Variants in TGFA observed in about 807,000 individuals in gnomAD.
The protein encoded by TGFA is transforming growth factor alpha.
Under a neutral mutation model 21.7 loss-of-function variants are expected in TGFA, and 12 were observed. The ratio of observed to expected loss-of-function variants is 0.55; its 90% confidence interval spans 0.35 to 0.90. TGFA has a LOEUF of 0.90. Among genes scored for constraint, TGFA ranks in the 40% least tolerant of loss-of-function variants. The pLI, the probability that TGFA is intolerant of heterozygous loss-of-function variation, is 0.01. For missense variants in TGFA, 178 were observed against 210.8 expected (o/e 0.84, Z 0.96); for synonymous variants, 79 against 88.1 (o/e 0.90, Z 0.58).
intron 1 of TGFA, among the ~76,000 whole-genome samples, chr2:70,535,134 A>T (rs1386923564): frequency 6.6e-6 from 1 of 152,198 alleles, no homozygotes; most frequent in African/African-American, 2.4e-5. Context: ...TACTGGAAGA[A>T]CTATGAGCCA....
chr2:70,477,732 TGGAGGAGGGA>T (rs1188146632), intron 2 of TGFA, among the ~76,000 whole-genome samples: 4 of 151,960 alleles, frequency 2.6e-5, no homozygotes, highest in Non-Finnish European at 5.9e-5. Context: ...CTGCAGGACA[TGGAGGAGGGA>T]GGAGCCACAG....
At position 70,456,505 on chromosome 2, in the gene TGFA, C is replaced by A. The variant is rs377338687; in HGVS notation, c.216-17G>T. Reference sequence around the variant, plus strand: ...GAATGGCAGCTGGGGAAGAAAGGAACGTCAGTGCACTCTCCTGACAAAAGG... The same window carrying A: ...GAATGGCAGCTGGGGAAGAAAGGAAAGTCAGTGCACTCTCCTGACAAAAGG... On this transcript the variant is annotated splice_polypyrimidine_tract_variant and intron_variant, in intron 3 of 5. Transcript: ENST00000295400. 2 of 1,590,770 alleles carry A rather than the reference C, an allele frequency of 1.3e-6. No homozygotes were observed.
At chr2:70,452,946 A>G (rs1553489885) in intron 5 of TGFA, among the ~76,000 whole-genome samples, 1 of 152,164 alleles carries the variant, frequency 6.6e-6, no homozygotes, top group African/African-American at 2.4e-5. Context: ...CCGTCTCAAA[A>G]AACAAAACAA....
chr2:70,485,016 C>T (rs983144220), intron 2 of TGFA, among the ~76,000 whole-genome samples: 4 of 152,194 alleles, frequency 2.6e-5, no homozygotes, highest in African/African-American at 7.2e-5. Flanking sequence ...ACCATTGATT[C>T]GCTTCAGTTT....
intron 1 of TGFA, among the ~76,000 whole-genome samples, chr2:70,544,040 T>A (rs1213022861): frequency 2.0e-5 from 3 of 152,138 alleles, no homozygotes; most frequent in African/African-American, 7.2e-5. Flanking sequence ...CCACACATTA[T>A]TGCCTCCTGC....
At chr2:70,542,975 C>T (rs534262266) in intron 1 of TGFA, among the ~76,000 whole-genome samples, 37 of 151,332 alleles carry the variant, frequency 2.4e-4, no homozygotes, top group Middle Eastern at 3.4e-3. Context: ...TAGTGGCGGG[C>T]GCCTGTAATC....
At chr2:70,475,087 T>C (rs1299395674) in intron 2 of TGFA, among the ~76,000 whole-genome samples, 3 of 152,060 alleles carry the variant, frequency 2.0e-5, no homozygotes. Context: ...GTTTGCATCA[T>C]TTTGGTACCT....
At chr2:70,454,918 C>G (rs567531981) in intron 4 of TGFA, among the ~76,000 whole-genome samples, 1 of 152,190 alleles carries the variant, frequency 6.6e-6, no homozygotes, top group Non-Finnish European at 1.5e-5. Context: ...AGTCTTGTTC[C>G]TAAGTCCCTG....
intron 1 of TGFA, among the ~76,000 whole-genome samples, chr2:70,534,079 T>C (rs1672901478): frequency 6.6e-6 from 1 of 152,174 alleles, no homozygotes; most frequent in African/African-American, 2.4e-5. Flanking sequence ...TACTGAAGTG[T>C]CCACTATTCG....
At chr2:70,462,118 T>G (rs2103686918) in intron 3 of TGFA, among the ~76,000 whole-genome samples, 1 of 152,322 alleles carries the variant, frequency 6.6e-6, no homozygotes, top group Non-Finnish European at 1.5e-5. Context: ...TCAGGGTATG[T>G]CAGGCTTATT....
chr2:70,508,574 A>T (rs1672002232), intron 2 of TGFA, among the ~76,000 whole-genome samples: 1 of 152,224 alleles, frequency 6.6e-6, no homozygotes, highest in Non-Finnish European at 1.5e-5. Flanking sequence ...AAATTATAGA[A>T]GAAGTGATAT....
At chr2:70,512,055 A>G (rs1225330933) in intron 2 of TGFA, among the ~76,000 whole-genome samples, 1 of 152,092 alleles carries the variant, frequency 6.6e-6, no homozygotes, top group African/African-American at 2.4e-5. Flanking sequence ...GGGAAGGCCT[A>G]CCAGGGCCTG....
intron 2 of TGFA, among the ~76,000 whole-genome samples, chr2:70,475,651 G>A (rs1553494148): frequency 6.6e-6 from 1 of 152,078 alleles, no homozygotes; most frequent in African/African-American, 2.4e-5. Context: ...GGGCATTTTA[G>A]AATTAAAAGG....
chr2:70,476,125 C>T (rs530310733), intron 2 of TGFA, among the ~76,000 whole-genome samples: 2 of 135,444 alleles, frequency 1.5e-5, no homozygotes, highest in South Asian at 4.9e-4. Flanking sequence ...AATTACAGGT[C>T]ACGATTTTGC....
intron 5 of TGFA, chr2:70,451,727 A>C: frequency 1.4e-6 from 1 of 695,722 alleles, no homozygotes; most frequent in Non-Finnish European, 2.6e-6. Context: ...AAAAATATTT[A>C]CCTTCATTAG....
chr2:70,552,744 A>C (rs991813597), intron 1 of TGFA, among the ~76,000 whole-genome samples: 21 of 152,242 alleles, frequency 1.4e-4, no homozygotes, highest in Non-Finnish European at 2.2e-4. Context: ...GGCTTTCCAC[A>C]GACTCTAACC....
chr2:70,504,449 T>TATATATATACATAC (rs1671843965), intron 2 of TGFA, among the ~76,000 whole-genome samples: 1 of 69,076 alleles, frequency 1.4e-5, no homozygotes, highest in Non-Finnish European at 2.9e-5. Context: ...TATATATATA[T>TATATATATACATAC]ATATATATAT....
chr2:70,468,742 T>C (rs1170161373), intron 2 of TGFA, among the ~76,000 whole-genome samples: 3 of 152,192 alleles, frequency 2.0e-5, no homozygotes, highest in African/African-American at 7.2e-5. Context: ...TGATGATCTG[T>C]CACTGTCTCC....
chr2:70,515,051 A>G (rs1253268864), intron 1 of TGFA, 139 bp from the exon 2 acceptor site: 1 of 704,632 alleles, frequency 1.4e-6, no homozygotes, highest in African/African-American at 1.8e-5. Context: ...TCAGCTACAT[A>G]ATTTGTGGAT....
Sources: gnomAD v4.1 joint callset for allele counts (sites outside exome capture counted in the v4.1 genomes callset) on GRCh38, gnomAD v4.1.1 for gene constraint, MANE v1.5 for transcripts, NCBI Gene and HGNC (gene_info 2026-07-23, HGNC 2026-07-21) for gene names.